Variants in EDARADD observed in about 807,000 individuals in gnomAD.
EDARADD encodes the protein ectodysplasin-A receptor-associated adapter protein.
A neutral mutation model predicts 25.6 loss-of-function variants in EDARADD; 20 were observed. That is an observed-to-expected ratio of 0.78 (90% CI 0.55 to 1.14). EDARADD has a LOEUF of 1.14. Among genes scored for constraint, EDARADD ranks in the 50% most tolerant of loss-of-function variants. The probability of loss-of-function intolerance (pLI) is 0.00; values close to 1 mark genes in which losing one functional copy is unlikely to be tolerated. For missense variants in EDARADD, 225 were observed against 270.1 expected, an observed-to-expected ratio of 0.83 and a Z score of 1.17; for synonymous variants, 86 against 94.4, an observed-to-expected ratio of 0.91 and a Z score of 0.52.
At chr1:236,393,243 C>A (rs947382882), upstream of EDARADD, among the ~76,000 whole-genome samples, 6 of 152,034 alleles carry the variant, frequency 3.9e-5, no homozygotes, top group African/African-American at 1.4e-4. Flanking sequence ...AATGCACTAT[C>A]TCCATTTATT....
At chr1:236,426,066 T>C (rs1657911909) in intron 3 of EDARADD, among the ~76,000 whole-genome samples, 1 of 151,966 alleles carries the variant, frequency 6.6e-6, no homozygotes, top group Non-Finnish European at 1.5e-5. Context: ...ACTGCAGCCT[T>C]GAACTCCTGG....
At chr1:236,444,709 C>A (rs1237536611) in intron 4 of EDARADD, among the ~76,000 whole-genome samples, 2 of 152,164 alleles carry the variant, frequency 1.3e-5, no homozygotes, top group Non-Finnish European at 2.9e-5. Flanking sequence ...TAGGCGTGAG[C>A]CACCGCGCCT....
intron 3 of EDARADD, among the ~76,000 whole-genome samples, chr1:236,358,078 C>G (rs1667002787): frequency 6.6e-6 from 1 of 152,122 alleles, no homozygotes; most frequent in Non-Finnish European, 1.5e-5. Context: ...GCCATGTTGG[C>G]CAGGCTGGTC....
intron 4 of EDARADD, among the ~76,000 whole-genome samples, chr1:236,463,999 C>G (rs935419331): frequency 1.3e-5 from 2 of 152,124 alleles, no homozygotes; most frequent in African/African-American, 4.8e-5. Flanking sequence ...AGAAGGTGTC[C>G]TAGCAGAAGT....
At chr1:236,383,939 G>T (rs1313446541) in intron 3 of EDARADD, among the ~76,000 whole-genome samples, 1 of 152,140 alleles carries the variant, frequency 6.6e-6, no homozygotes, top group Non-Finnish European at 1.5e-5. Context: ...GTAGGTCGAG[G>T]CTGCAGTGAT....
upstream of EDARADD, among the ~76,000 whole-genome samples, chr1:236,390,029 G>T (rs1482430655): frequency 2.0e-5 from 3 of 151,908 alleles, no homozygotes; most frequent in Admixed American, 6.6e-5. Flanking sequence ...AAACAAGAAG[G>T]TAGCAAAAGA....
At chr1:236,394,276 A>G, upstream of EDARADD, 1 of 707,900 alleles carries the variant, frequency 1.4e-6, no homozygotes, top group South Asian at 1.7e-5. Flanking sequence ...TTCCCTTCCT[A>G]TCCGAAGGCA....
chr1:236,388,665 G>A (rs183537670), intron 3 of EDARADD, among the ~76,000 whole-genome samples: 32 of 152,146 alleles, frequency 2.1e-4, no homozygotes, highest in Admixed American at 7.9e-4. Flanking sequence ...CCTTCCCCCC[G>A]CACCCAGTTG....
At chr1:236,361,402 A>C (rs1264991097) in intron 3 of EDARADD, among the ~76,000 whole-genome samples, 1 of 151,592 alleles carries the variant, frequency 6.6e-6, no homozygotes, top group African/African-American at 2.4e-5. Context: ...TGCAACCTCC[A>C]CCTCCGGGTT....
chr1:236,455,935 G>A (rs573552973), intron 4 of EDARADD, among the ~76,000 whole-genome samples: 20 of 152,212 alleles, frequency 1.3e-4, no homozygotes, highest in Admixed American at 7.9e-4. Flanking sequence ...GACTACAGGC[G>A]CCCGCCACCA....
chr1:236,478,236 T>C (rs1438261004), intron 5 of EDARADD, among the ~76,000 whole-genome samples: 2 of 152,016 alleles, frequency 1.3e-5, no homozygotes, highest in African/African-American at 4.8e-5. Flanking sequence ...ATCCTATTAG[T>C]GGTGAGATGA....
chr1:236,352,747 C>G lies in EDARADD; in HGVS notation c.-6+1908C>G, dbSNP rs917498681. On this transcript the variant is annotated intron_variant, in intron 3 of 7. Coordinates refer to the EDARADD transcript ENST00000439430. ...CCTGTAATCCCAGCTACAGGGGAGG[C>G]TGAGGCAGGAGAATCGCTTGAACCT... is the stretch of plus-strand genomic sequence containing the variant. 6.6e-5 allele frequency among the ~76,000 whole-genome samples: 10 copies of G among 152,212 alleles called. No individual in the cohort carries two copies. In the South Asian group the frequency reaches 1.0e-3, roughly 16 times the overall value.
chr1:236,361,481 C>T (rs1667048224), intron 3 of EDARADD, among the ~76,000 whole-genome samples: 1 of 149,622 alleles, frequency 6.7e-6, no homozygotes, highest in Admixed American at 6.6e-5. Flanking sequence ...AGGTGCCCAC[C>T]ACCACACCCA....
intron 3 of EDARADD, among the ~76,000 whole-genome samples, chr1:236,377,050 C>G (rs1667232470): frequency 6.6e-6 from 1 of 151,082 alleles, no homozygotes; most frequent in Non-Finnish European, 1.5e-5. Context: ...ATTTCCATCT[C>G]TCTGTTTACA....
At chr1:236,371,967 T>A (rs2102993762) in intron 3 of EDARADD, among the ~76,000 whole-genome samples, 1 of 152,036 alleles carries the variant, frequency 6.6e-6, no homozygotes, top group Admixed American at 6.6e-5. Context: ...ATTTATTTAT[T>A]TTTTTGAGAT....
intron 3 of EDARADD, among the ~76,000 whole-genome samples, chr1:236,360,550 T>TG (rs1196634351): frequency 4.1e-4 from 60 of 146,772 alleles, no homozygotes; most frequent in African/African-American, 1.5e-3. Flanking sequence ...TTTTTTTTTT[T>TG]TTTTTTTTTT....
chr1:236,394,011 A>C (rs72753321), upstream of EDARADD, among the ~76,000 whole-genome samples: 107 of 150,582 alleles, frequency 7.1e-4, 1 homozygote, highest in Admixed American at 2.0e-3. Context: ...AAAAAAAAAA[A>C]CCCTTAAAAT....
At chr1:236,442,499 A>G (rs1310426292) in intron 4 of EDARADD, among the ~76,000 whole-genome samples, 1 of 152,204 alleles carries the variant, frequency 6.6e-6, no homozygotes, top group Non-Finnish European at 1.5e-5. Context: ...TTCAAACTTT[A>G]CAGGACAGGC....
intron 4 of EDARADD, among the ~76,000 whole-genome samples, chr1:236,462,213 A>G (rs1158088575): frequency 6.6e-6 from 1 of 152,028 alleles, no homozygotes; most frequent in Non-Finnish European, 1.5e-5. Flanking sequence ...GCCCCTTTGG[A>G]TTGGTTGCTG....
Sources: allele counts gnomAD v4.1 joint callset (sites outside exome capture counted in the v4.1 genomes callset), GRCh38; gene constraint gnomAD v4.1.1; transcripts MANE v1.5; gene names NCBI Gene and HGNC (gene_info 2026-07-23, HGNC 2026-07-21).